Variants in LRRIQ1 observed in about 807,000 individuals in gnomAD.
LRRIQ1 encodes the protein leucine rich repeats and IQ motif containing 1, also known as leucine-rich repeat- and IQ domain-containing protein 1.
A neutral mutation model predicts 211.9 loss-of-function variants in LRRIQ1; 210 were observed. That is an observed-to-expected ratio of 0.99 (90% CI 0.89 to 1.11). LRRIQ1 has a LOEUF of 1.11. Ranked by LOEUF, LRRIQ1 falls within the 50% of genes most tolerant of loss-of-function variation. LRRIQ1 has a pLI of 0.00. For missense variants in LRRIQ1, 2,136 were observed against 1,939.5 expected (o/e 1.10, Z -1.90); for synonymous variants, 699 against 650.1 (o/e 1.08, Z -1.14).
At chr12:85,176,674 A>G (rs1245762620) in intron 24 of LRRIQ1, among the ~76,000 whole-genome samples, 1 of 151,298 alleles carries the variant, frequency 6.6e-6, no homozygotes, top group Non-Finnish European at 1.5e-5. Flanking sequence ...GTGCACCAGC[A>G]TGGCACATGT....
intron 20 of LRRIQ1, among the ~76,000 whole-genome samples, 176 bp downstream of exon 20, chr12:85,152,545 G>C (rs938771559): frequency 1.3e-5 from 2 of 151,404 alleles, no homozygotes; most frequent in African/African-American, 4.8e-5. Flanking sequence ...TCTTTCATTT[G>C]CTCCTTTTTT....
At chr12:85,131,010 G>A (rs149353804) in intron 18 of LRRIQ1, among the ~76,000 whole-genome samples, 94 of 149,302 alleles carry the variant, frequency 6.3e-4, no homozygotes, top group African/African-American at 2.3e-3. Flanking sequence ...CAGAGTTCGA[G>A]ACCAGTCTGG....
intron 21 of LRRIQ1, 71 bp downstream of exon 21, chr12:85,153,216 T>A: frequency 1.5e-6 from 2 of 1,336,064 alleles, no homozygotes; most frequent in Non-Finnish European, 2.1e-6. Flanking sequence ...ACAAAAGTAG[T>A]ACAATTATAA....
intron 11 of LRRIQ1, 33 bp from the exon 12 acceptor site, chr12:85,098,322 G>T: frequency 1.4e-6 from 2 of 1,421,648 alleles, no homozygotes; most frequent in South Asian, 2.4e-5. Context: ...AAGACTGTAT[G>T]ACACAGGTGA....
chr12:85,272,365 T>C, the LRRIQ1 span, among the ~76,000 whole-genome samples: 1 of 152,190 alleles, frequency 6.6e-6, no homozygotes, highest in Admixed American at 6.5e-5. Context: ...AATTCAATTA[T>C]TAAGCAATTC....
chr12:85,143,111 C>G (rs534721045), intron 19 of LRRIQ1, among the ~76,000 whole-genome samples: 145 of 151,756 alleles, frequency 9.6e-4, no homozygotes, highest in Admixed American at 2.6e-3. Flanking sequence ...CACATCCTTA[C>G]CAGCACATGT....
At chr12:85,160,199 CTT>C (rs1315783084) in intron 23 of LRRIQ1, among the ~76,000 whole-genome samples, 6 of 151,810 alleles carry the variant, frequency 4.0e-5, no homozygotes, top group Admixed American at 3.3e-4. Context: ...ATATTCTTGT[CTT>C]TGAATATATG....
chr12:85,192,813 T>C (rs1244289774), intron 24 of LRRIQ1, among the ~76,000 whole-genome samples: 7 of 96,180 alleles, frequency 7.3e-5, no homozygotes, highest in Non-Finnish European at 1.1e-4. Context: ...TATAATTATA[T>C]ATAAATATAT....
At chr12:85,187,099 T>G (rs966521319) in intron 24 of LRRIQ1, among the ~76,000 whole-genome samples, 1 of 152,090 alleles carries the variant, frequency 6.6e-6, no homozygotes, top group African/African-American at 2.4e-5. Context: ...TAATGATATT[T>G]TTCTATGCTT....
intron 1 of LRRIQ1, among the ~76,000 whole-genome samples, chr12:85,250,353 A>C (rs990000479): frequency 6.6e-6 from 1 of 151,838 alleles, no homozygotes; most frequent in Non-Finnish European, 1.5e-5. Context: ...TAAGTGTTTC[A>C]TTTCAGGTGA....
At chr12:85,246,964 C>T (rs1333890695), downstream of LRRIQ1, among the ~76,000 whole-genome samples, 3 of 151,270 alleles carry the variant, frequency 2.0e-5, no homozygotes, top group African/African-American at 7.3e-5. Context: ...ATAGAAGCAC[C>T]TCTTTGTAGA....
chr12:85,270,829 C>A, the LRRIQ1 span, among the ~76,000 whole-genome samples: 11 of 152,144 alleles, frequency 7.2e-5, no homozygotes, highest in Non-Finnish European at 1.6e-4. Context: ...ATCTCAGCAT[C>A]CCACAGCCAG....
At chr12:85,243,666 TTGTC>T (rs1318791876) in intron 26 of LRRIQ1, among the ~76,000 whole-genome samples, 1 of 151,472 alleles carries the variant, frequency 6.6e-6, no homozygotes, top group Non-Finnish European at 1.5e-5. Context: ...CAATTTTTGT[TTGTC>T]AATTAAGACC....
chr12:85,178,605 C>T (rs1007466320), intron 24 of LRRIQ1, among the ~76,000 whole-genome samples: 1 of 151,856 alleles, frequency 6.6e-6, no homozygotes, highest in Non-Finnish European at 1.5e-5. Context: ...TTCTACTTAT[C>T]TTCAGTATTT....
At chr12:85,087,484 G>A (rs529557718) in intron 11 of LRRIQ1, among the ~76,000 whole-genome samples, 1 of 152,294 alleles carries the variant, frequency 6.6e-6, no homozygotes, top group Non-Finnish European at 1.5e-5. Context: ...GGGTCAAATG[G>A]TATTTCTAGT....
intron 11 of LRRIQ1, among the ~76,000 whole-genome samples, chr12:85,093,984 T>C (rs1422125774): frequency 6.6e-6 from 1 of 152,188 alleles, no homozygotes; most frequent in Non-Finnish European, 1.5e-5. Flanking sequence ...TTGGCCAGGC[T>C]AGAAGAGGAT....
chr12:85,054,439 A>G, intron 7 of LRRIQ1, among the ~76,000 whole-genome samples: 1 of 152,186 alleles, frequency 6.6e-6, no homozygotes, highest in East Asian at 1.9e-4. Flanking sequence ...GTATGTGTGC[A>G]TGCAATGTTC....
chr12:85,106,506 A>G lies in LRRIQ1; in HGVS notation c.3284-16A>G. ...ATCTGTGATGATACCTTTCAAAATG[A>G]TTTTATTTTCTGTAGATCTTAAAAG... On this transcript the variant is annotated splice_polypyrimidine_tract_variant and intron_variant, in intron 14 of 26. Coordinates refer to ENST00000393217, the MANE Select transcript of LRRIQ1 (RefSeq NM_001079910.2). 4 of 1,544,340 alleles carry G rather than the reference A, an allele frequency of 2.6e-6. No homozygotes were observed. Among genetic ancestry groups the G allele is most frequent in the Non-Finnish European group, 3.6e-6 (4 of 1,119,102 alleles).
chr12:85,077,815 T>TA (rs1349427018), intron 11 of LRRIQ1, among the ~76,000 whole-genome samples: 1 of 151,526 alleles, frequency 6.6e-6, no homozygotes, highest in Non-Finnish European at 1.5e-5. Context: ...CTACTAAAAA[T>TA]AAAAAAATAA....
Sources: allele counts gnomAD v4.1 joint callset (sites outside exome capture counted in the v4.1 genomes callset), GRCh38; gene constraint gnomAD v4.1.1; transcripts MANE v1.5; gene names NCBI Gene and HGNC (gene_info 2026-07-23, HGNC 2026-07-21).